Variants in NFIL3 observed in about 807,000 individuals in gnomAD.
NFIL3 encodes nuclear factor interleukin-3-regulated protein.
A neutral mutation model predicts 10.0 loss-of-function variants in NFIL3; 5 were observed. That is an observed-to-expected ratio of 0.50 (90% CI 0.26 to 1.06). The LOEUF (loss-of-function observed/expected upper bound fraction) is 1.06. Ranked by LOEUF, NFIL3 falls within the 50% of genes least tolerant of loss-of-function variation. NFIL3 has a pLI of 0.13. For missense variants in NFIL3, 436 were observed against 547.6 expected (o/e 0.80, Z 2.03); for synonymous variants, 202 against 206.5 (o/e 0.98, Z 0.19).
chr9:91,469,996 T>C, the NFIL3 span, among the ~76,000 whole-genome samples: 2 of 152,318 alleles, frequency 1.3e-5, no homozygotes, highest in African/African-American at 4.8e-5. Flanking sequence ...AATTCTCTTT[T>C]TTTGTGGTGT....
the NFIL3 span, among the ~76,000 whole-genome samples, chr9:91,435,676 C>T: frequency 6.6e-6 from 1 of 152,242 alleles, no homozygotes; most frequent in African/African-American, 2.4e-5. Context: ...GATTTTGCCA[C>T]ATGGTCTTCA....
rs1833532512 is a variant in NFIL3 at position 91,410,709 on chromosome 9, A to C, written c.26T>G (p.Val9Gly). The C allele has an allele frequency of 6.2e-7, 1 of 1,600,584 alleles. No individual in the cohort carries two copies. The highest frequency in any genetic ancestry group is 1.4e-5 in the African/African-American group (1 of 73,948). The stretch of plus-strand genomic sequence containing the variant: ...ATCAAGAGACGCCTGCTCCTTTTTG[A>C]CGGTCTGCATTTTTCTCAGCTGCAT... MQLRKMQT[V>G]KKEQASLDAS... Residue 9 changes from valine to glycine, a missense_variant, in exon 2 of 2, where the codon GTC (valine) becomes GGC (glycine). Physicochemically the swap from Val to Gly is moderately radical, Grantham distance 109. Around this residue, in one of 3 missense-constraint regions of NFIL3, gnomAD observed 76 missense variants for 73.0 expected, o/e 1.04. Transcript: ENST00000297689. This position sits in a 1 kb window ranked among gnomAD's most constrained non-coding sequence, Gnocchi z 5.7.
chr9:91,433,733 A>G, the NFIL3 span, among the ~76,000 whole-genome samples: 2 of 152,202 alleles, frequency 1.3e-5, no homozygotes, highest in Non-Finnish European at 2.9e-5. Context: ...TGTGAACAAT[A>G]TTTTCATTTG....
chr9:91,430,134 G>A, the NFIL3 span, among the ~76,000 whole-genome samples: 1 of 152,132 alleles, frequency 6.6e-6, no homozygotes, highest in African/African-American at 2.4e-5. Context: ...CCAAATACTT[G>A]TGCCTGTGCA....
chr9:91,471,535 T>C, the NFIL3 span, among the ~76,000 whole-genome samples: 1 of 151,616 alleles, frequency 6.6e-6, no homozygotes, highest in East Asian at 1.9e-4. Context: ...TATTATACTT[T>C]AAGTTTTAGG....
the NFIL3 span, among the ~76,000 whole-genome samples, chr9:91,449,031 C>A: frequency 2.0e-5 from 3 of 152,076 alleles, no homozygotes; most frequent in African/African-American, 4.8e-5. Flanking sequence ...TCTAGTTATT[C>A]ATTGCTGGTA....
chr9:91,446,316 C>G, the NFIL3 span, among the ~76,000 whole-genome samples: 1 of 152,188 alleles, frequency 6.6e-6, no homozygotes, highest in Non-Finnish European at 1.5e-5. Flanking sequence ...TACTGGATTT[C>G]TGTGCTTCAC....
At chr9:91,442,805 G>A in the NFIL3 span, among the ~76,000 whole-genome samples, 1 of 152,104 alleles carries the variant, frequency 6.6e-6, no homozygotes, top group East Asian at 1.9e-4. Context: ...CACAGCCCTG[G>A]CTCTGGGAGC....
At chr9:91,415,090 G>A (rs1833627988) in intron 1 of NFIL3, among the ~76,000 whole-genome samples, 1 of 152,058 alleles carries the variant, frequency 6.6e-6, no homozygotes, top group Non-Finnish European at 1.5e-5. Context: ...ACTGTGTACT[G>A]GGCACAAGGG....
At chr9:91,463,780 G>A in the NFIL3 span, among the ~76,000 whole-genome samples, 24 of 152,012 alleles carry the variant, frequency 1.6e-4, no homozygotes, top group Non-Finnish European at 2.6e-4. Context: ...CGATAATAGT[G>A]GATATGTCCA....
At chr9:91,464,434 C>G in the NFIL3 span, among the ~76,000 whole-genome samples, 2 of 151,972 alleles carry the variant, frequency 1.3e-5, no homozygotes, top group South Asian at 2.1e-4. Flanking sequence ...TGGAGTATTC[C>G]TATTTGCTTC....
the NFIL3 span, among the ~76,000 whole-genome samples, chr9:91,434,775 C>T: frequency 6.6e-6 from 1 of 152,096 alleles, no homozygotes; most frequent in Admixed American, 6.5e-5. Context: ...AAATCAAGTG[C>T]ACCTAGACTT....
the NFIL3 span, among the ~76,000 whole-genome samples, chr9:91,435,094 G>T: frequency 2.0e-5 from 3 of 152,156 alleles, no homozygotes; most frequent in Admixed American, 2.0e-4. Context: ...TAACTGAATT[G>T]TGTGTTTTCT....
At chr9:91,423,394 G>C (rs1804667324) in intron 1 of NFIL3, among the ~76,000 whole-genome samples, 1 of 152,112 alleles carries the variant, frequency 6.6e-6, no homozygotes, top group Non-Finnish European at 1.5e-5. Context: ...AAACCAGCCA[G>C]GACTACGTGC....
At chr9:91,411,898 C>T (rs374427730) in intron 1 of NFIL3, among the ~76,000 whole-genome samples, 2 of 151,700 alleles carry the variant, frequency 1.3e-5, no homozygotes, top group South Asian at 4.2e-4. Context: ...GTCAGGAGAT[C>T]GAGACCATCC....
the NFIL3 span, among the ~76,000 whole-genome samples, chr9:91,458,337 G>A: frequency 6.6e-6 from 1 of 151,940 alleles, no homozygotes; most frequent in Non-Finnish European, 1.5e-5. Context: ...GGGCTATTTA[G>A]GTTATTTATC....
At chr9:91,444,939 C>T in the NFIL3 span, among the ~76,000 whole-genome samples, 1 of 152,290 alleles carries the variant, frequency 6.6e-6, no homozygotes, top group East Asian at 1.9e-4. Flanking sequence ...CTCTGAGTGT[C>T]TGTAGAGCCA....
upstream of NFIL3, among the ~76,000 whole-genome samples, chr9:91,425,719 C>T (rs1156389061): frequency 6.6e-6 from 1 of 152,208 alleles, no homozygotes; most frequent in Non-Finnish European, 1.5e-5. Context: ...CTCAAAGGAT[C>T]CTCCGGCCAC....
At chr9:91,464,475 A>G in the NFIL3 span, among the ~76,000 whole-genome samples, 1 of 152,032 alleles carries the variant, frequency 6.6e-6, no homozygotes, top group Admixed American at 6.6e-5. Context: ...GCTGTCATTC[A>G]TTTCATTTAT....
Sources: allele counts gnomAD v4.1 joint callset (sites outside exome capture counted in the v4.1 genomes callset), GRCh38; gene constraint gnomAD v4.1.1; regional missense constraint gnomAD v4.1.1; non-coding constraint Gnocchi (gnomAD v3.1); transcripts MANE v1.5; gene names NCBI Gene and HGNC (gene_info 2026-07-23, HGNC 2026-07-21).